The following MYO10 variants were observed in gnomAD, a reference collection of about 807,000 sequenced individuals.
MYO10 encodes the protein unconventional myosin-X.
In MYO10, 133 loss-of-function variants were observed where a neutral mutation model predicts 257.3. That is an observed-to-expected ratio of 0.52 (90% CI 0.45 to 0.60). The LOEUF is 0.60. Among genes scored for constraint, MYO10 ranks in the 20% least tolerant of loss-of-function variants. The pLI is 0.00. For missense variants in MYO10, 2,399 were observed against 2,635.7 expected, an observed-to-expected ratio of 0.91 and a Z score of 1.97; for synonymous variants, 1,104 against 1,028.6, an observed-to-expected ratio of 1.07 and a Z score of -1.40.
chr5:16,731,876 CAT>C (rs1739596994), intron 19 of MYO10, among the ~76,000 whole-genome samples: 1 of 152,122 alleles, frequency 6.6e-6, no homozygotes, highest in Middle Eastern at 3.2e-3. Context: ...CGGCTGGACA[CAT>C]GACTTGAGAA....
chr5:16,674,889 C>T lies in MYO10; in HGVS notation c.4928G>A (p.Arg1643Gln), dbSNP rs753633171. The change falls in exon 35 of 41, where the codon CGA (arginine) becomes CAA (glutamine). Residue 1643 changes from arginine to glutamine, a missense_variant. Arg to Gln is a conservative substitution (Grantham distance 43). This residue lies in a region of MYO10 where 1,820 missense variants were observed against 1,939.4 expected (regional missense o/e 0.94). Transcript: ENST00000513610. Reference sequence around the variant, plus strand: ...GAACTTGAGATACTTGAGAATCCCTCGACTCGGCAGGAAGGTGCAGCTCAG... The same window carrying T: ...GAACTTGAGATACTTGAGAATCCCTTGACTCGGCAGGAAGGTGCAGCTCAG... ...TCLSCTFLPS[R>Q]GILKYLKFHL... 31 of 1,613,848 alleles carry T rather than the reference C, an allele frequency of 1.9e-5. No individual in the cohort carries two copies. In the South Asian group the frequency reaches 2.6e-4, roughly 14 times the overall value.
rs563628074 is a variant in MYO10, at chr5:16,811,130, A to T, written c.279+6879T>A. On this transcript the variant is annotated intron_variant, in intron 3 of 40. Coordinates refer to ENST00000513610, the MANE Select transcript of MYO10 (RefSeq NM_012334.3). ...AATATAGTGGGGTCTGTGTACCATC[A>T]GCCCCAAACTTTCCAGGTGAGCTGA... Among the ~76,000 whole-genome samples, 6 of 136,598 alleles carry T rather than the reference A, an allele frequency of 4.4e-5. No homozygotes were observed. In the South Asian group the frequency reaches 1.4e-3, roughly 32 times the overall value. 89.6% of individuals were successfully genotyped at this position (136,598 alleles called of 152,430 possible). A position where few individuals can be genotyped will look rare whatever the true frequency, so the allele number is the denominator to read the frequency against.
At chr5:16,872,518 T>C (rs253311) in intron 2 of MYO10, among the ~76,000 whole-genome samples, 8,654 of 152,226 alleles carry the variant, frequency 0.057, 695 homozygotes, top group African/African-American at 0.18. Flanking sequence ...GTTAATGTTA[T>C]GTGATTCTTA....
intron 1 of MYO10, among the ~76,000 whole-genome samples, chr5:16,928,720 C>T (rs948160441): frequency 6.6e-6 from 1 of 151,236 alleles, no homozygotes; most frequent in Non-Finnish European, 1.5e-5. Context: ...TGGCAGGCGC[C>T]TGTAGTCCCA....
At chr5:16,915,025 T>C (rs1365211843) in intron 1 of MYO10, among the ~76,000 whole-genome samples, 2 of 152,206 alleles carry the variant, frequency 1.3e-5, no homozygotes, top group East Asian at 1.9e-4. Flanking sequence ...TCTGGATTCA[T>C]GAACAAGCTC....
At chr5:16,815,311 T>C (rs1742570570) in intron 3 of MYO10, 5 of 616,024 alleles carry the variant, frequency 8.1e-6, no homozygotes, top group Non-Finnish European at 1.4e-5. Context: ...GCATACTATG[T>C]ACTGGTTAAG....
At chr5:16,859,121 G>A (rs774141672) in intron 2 of MYO10, among the ~76,000 whole-genome samples, 1 of 152,204 alleles carries the variant, frequency 6.6e-6, no homozygotes, top group African/African-American at 2.4e-5. Context: ...TACCCCTGGA[G>A]TAGAGTGGAA....
At chr5:16,748,317 T>A (rs1488509590) in intron 19 of MYO10, among the ~76,000 whole-genome samples, 1 of 152,092 alleles carries the variant, frequency 6.6e-6, no homozygotes, top group Non-Finnish European at 1.5e-5. Flanking sequence ...TGATCTCAGC[T>A]CACTGCAACC....
At chr5:16,725,793 T>A (rs1356297616) in intron 19 of MYO10, among the ~76,000 whole-genome samples, 2 of 151,384 alleles carry the variant, frequency 1.3e-5, no homozygotes, top group Non-Finnish European at 2.9e-5. Flanking sequence ...CCCCCTTTTT[T>A]TTTTTTTTTT....
chr5:16,759,107 G>C (rs886800253), intron 17 of MYO10, among the ~76,000 whole-genome samples: 1 of 152,096 alleles, frequency 6.6e-6, no homozygotes, highest in Non-Finnish European at 1.5e-5. Flanking sequence ...TTTTGTAGTA[G>C]AGACAGGGTT....
At chr5:16,805,476 AAAAAG>A (rs1560994088) in intron 3 of MYO10, among the ~76,000 whole-genome samples, 5 of 146,722 alleles carry the variant, frequency 3.4e-5, no homozygotes, top group Non-Finnish European at 7.5e-5. Context: ...AAAAAAAAAA[AAAAAG>A]AAAAGAAAAA....
At position 16,915,798 on chromosome 5, in the gene MYO10, A is replaced by C. The variant is rs187640456; in HGVS notation, c.21+19990T>G. Among the ~76,000 whole-genome samples, 544 of 152,234 alleles carry C rather than the reference A, an allele frequency of 3.6e-3. 6 individuals carry two copies. The highest frequency in any genetic ancestry group is 0.013 in the African/African-American group (531 of 41,542). On this transcript the variant is annotated intron_variant, in intron 1 of 40. Coordinates refer to ENST00000513610, the MANE Select transcript of MYO10 (RefSeq NM_012334.3). ...TGGCAAAACCCAGTCTCCAATAAAA[A>C]TATAAAAAATTAGCCGGGTGTGGTG...
At chr5:16,682,911 C>A (rs1737073254) in intron 30 of MYO10, among the ~76,000 whole-genome samples, 1 of 152,132 alleles carries the variant, frequency 6.6e-6, no homozygotes, top group Admixed American at 6.6e-5. Flanking sequence ...ATCACATGCC[C>A]AGCCTGGAGG....
chr5:16,670,142 G>A lies in MYO10; in HGVS notation c.5883+384C>T, dbSNP rs116822261. ...AGATAGACATTCTTCCTTTCAAACAGATGGCTGTAAAGAAAAAACAAAGTA... is the reference window on the plus strand; with the variant it reads ...AGATAGACATTCTTCCTTTCAAACAAATGGCTGTAAAGAAAAAACAAAGTA... On this transcript the variant is annotated intron_variant, in intron 39 of 40. Coordinates refer to ENST00000513610, the MANE Select transcript of MYO10 (RefSeq NM_012334.3). Among the ~76,000 whole-genome samples, 463 of 152,232 alleles carry A rather than the reference G, an allele frequency of 3.0e-3. 2 individuals are homozygous for A. The highest frequency in any genetic ancestry group is 0.011 in the African/African-American group (439 of 41,550).
At position 16,671,673 on chromosome 5, in the gene MYO10, G is replaced by C. The variant is rs1368401971; in HGVS notation, c.5310-131C>G. The C allele has an allele frequency of 1.7e-5, 20 of 1,157,658 alleles. No homozygotes were observed. In the South Asian group the frequency reaches 2.9e-4, roughly 17 times the overall value. The allele number at this position is 1,157,658 out of a possible 1,614,324, so 71.7% of individuals were successfully genotyped here. ...GTCCGGGCCCAGAAAACAGTGGATA[G>C]AGATGGGGATAGAGGAATAAACAGA... On this transcript the variant is annotated intron_variant, in intron 37 of 40. Coordinates refer to ENST00000513610, the MANE Select transcript of MYO10 (RefSeq NM_012334.3).
chr5:16,784,942 C>T (rs1029930134), intron 4 of MYO10, among the ~76,000 whole-genome samples: 4 of 152,130 alleles, frequency 2.6e-5, no homozygotes, highest in African/African-American at 7.2e-5. Context: ...GCCAGTGTCA[C>T]GATTCCACAA....
At chr5:16,754,721 A>T in intron 19 of MYO10, 107 bp downstream of exon 19, 1 of 658,820 alleles carries the variant, frequency 1.5e-6, no homozygotes, top group Non-Finnish European at 2.4e-6. Flanking sequence ...TCCATTTCCA[A>T]CCATCTACAA....
At chr5:16,831,416 G>A (rs1183904807) in intron 2 of MYO10, among the ~76,000 whole-genome samples, 2 of 150,752 alleles carry the variant, frequency 1.3e-5, no homozygotes, top group Non-Finnish European at 3.0e-5. Context: ...AGATACTTGC[G>A]CACGCACGTT....
chr5:16,873,193 G>C (rs1294949729), intron 2 of MYO10, among the ~76,000 whole-genome samples: 1 of 152,174 alleles, frequency 6.6e-6, no homozygotes, highest in African/African-American at 2.4e-5. Context: ...GGTAAATAAA[G>C]CCATTCCAAA....
Sources: allele counts gnomAD v4.1 joint callset (sites outside exome capture counted in the v4.1 genomes callset), GRCh38; gene constraint gnomAD v4.1.1; regional missense constraint gnomAD v4.1.1; transcripts MANE v1.5; gene names NCBI Gene and HGNC (gene_info 2026-07-23, HGNC 2026-07-21).